The following AGMO variants were observed in gnomAD, a reference collection of about 807,000 sequenced individuals.
AGMO encodes the protein alkylglycerol monooxygenase, also known as glyceryl-ether monooxygenase.
AGMO carries 75 observed loss-of-function variants against 60.2 expected under a neutral mutation model. The ratio of observed to expected loss-of-function variants is 1.25; its 90% CI spans 1.03 to 1.51. The LOEUF (loss-of-function observed/expected upper bound fraction) is 1.51. AGMO is among the 40% of genes most tolerant of loss of function. The pLI, the probability that AGMO is intolerant of heterozygous loss-of-function variation, is 0.00. For synonymous variants in AGMO, 261 were observed against 177.1 expected, an observed-to-expected ratio of 1.47 and a Z score of -3.76; for missense variants, 763 against 525.5, an observed-to-expected ratio of 1.45 and a Z score of -4.42.
chr7:15,229,516 AAAAG>A (rs1285149199), intron 12 of AGMO, among the ~76,000 whole-genome samples: 8 of 149,994 alleles, frequency 5.3e-5, no homozygotes, highest in Admixed American at 5.3e-4. Context: ...CCAAAAAAAA[AAAAG>A]AAAGAAGAAA....
chr7:15,322,619 TAAATATATATAA>T lies in AGMO; in HGVS notation c.1263+42883_1263+42894del, dbSNP rs1563086581. ...ATATATATAAATATATATAAATATATAAATATATATAAATATATATAAATATATAAATATATA... is the reference window on the plus strand; with the variant it reads ...ATATATATAAATATATATAAATATATATATATATAAATATATAAATATATA... On this transcript the variant is annotated intron_variant, in intron 12 of 12. Coordinates refer to ENST00000342526, the MANE Select transcript of AGMO (RefSeq NM_001004320.2). 4.0e-3 allele frequency among the ~76,000 whole-genome samples: 227 copies of T among 57,462 alleles called. 35 individuals carry two copies. The highest frequency in any genetic ancestry group is 0.013 in the African/African-American group (119 of 9,220). The allele number at this position is 57,462 out of a possible 152,430, so 37.7% of individuals were successfully genotyped here.
At chr7:15,163,252 A>G in the AGMO span, among the ~76,000 whole-genome samples, 1 of 152,148 alleles carries the variant, frequency 6.6e-6, no homozygotes, top group Non-Finnish European at 1.5e-5. Flanking sequence ...TAGATTTAAG[A>G]TCATTTTGTC....
At chr7:15,424,344 A>C (rs1781002420) in intron 4 of AGMO, among the ~76,000 whole-genome samples, 1 of 152,154 alleles carries the variant, frequency 6.6e-6, no homozygotes, top group Non-Finnish European at 1.5e-5. Context: ...TGGGTGATGC[A>C]CTATCATAAT....
intron 12 of AGMO, among the ~76,000 whole-genome samples, chr7:15,204,434 G>T (rs1008182647): frequency 2.6e-5 from 4 of 152,244 alleles, no homozygotes; most frequent in Admixed American, 2.0e-4. Flanking sequence ...TTAGGCTAGT[G>T]AAAGAATAGA....
intron 12 of AGMO, among the ~76,000 whole-genome samples, chr7:15,355,258 T>C (rs113820795): frequency 0.085 from 12,927 of 151,958 alleles, 666 homozygotes; most frequent in Non-Finnish European, 0.1. Flanking sequence ...ATTCCAGCAC[T>C]ATGGGAGGCC....
intron 12 of AGMO, among the ~76,000 whole-genome samples, chr7:15,319,797 TTA>T (rs1781051681): frequency 6.6e-6 from 1 of 152,160 alleles, no homozygotes; most frequent in Non-Finnish European, 1.5e-5. Context: ...ATAATTATTA[TTA>T]TATGTCTTTA....
At chr7:15,212,250 A>G (rs1781613769) in intron 12 of AGMO, among the ~76,000 whole-genome samples, 2 of 60,410 alleles carry the variant, frequency 3.3e-5, no homozygotes. Flanking sequence ...TGTGGAGTAC[A>G]CACACACACA....
At chr7:15,204,685 C>G (rs1004286080) in intron 12 of AGMO, among the ~76,000 whole-genome samples, 1 of 152,136 alleles carries the variant, frequency 6.6e-6, no homozygotes, top group Non-Finnish European at 1.5e-5. Context: ...TTCCCAGGAA[C>G]CTCAACTCTG....
At chr7:15,370,983 A>T (rs1783186971) in intron 10 of AGMO, among the ~76,000 whole-genome samples, 1 of 152,104 alleles carries the variant, frequency 6.6e-6, no homozygotes. Flanking sequence ...GTCCAGAATG[A>T]TCTTCAACAA....
At chr7:15,527,326 T>C (rs1339821519) in intron 3 of AGMO, among the ~76,000 whole-genome samples, 2 of 152,180 alleles carry the variant, frequency 1.3e-5, no homozygotes, top group Non-Finnish European at 2.9e-5. Context: ...AACAGCCTCA[T>C]TGCTGATTTG....
chr7:15,547,154 T>C (rs972728232), intron 2 of AGMO, among the ~76,000 whole-genome samples: 1 of 140,794 alleles, frequency 7.1e-6, no homozygotes, highest in East Asian at 1.9e-4. Context: ...AGCATTGCTG[T>C]TCTTTAGCAC....
downstream of AGMO, among the ~76,000 whole-genome samples, chr7:15,198,528 G>A (rs1007385772): frequency 3.3e-5 from 5 of 152,132 alleles, no homozygotes; most frequent in African/African-American, 2.4e-5. Context: ...TATCAAGACA[G>A]GGAAATTGTA....
chr7:15,376,469 G>A (rs1160665722), intron 10 of AGMO, among the ~76,000 whole-genome samples: 1 of 152,004 alleles, frequency 6.6e-6, no homozygotes, highest in Non-Finnish European at 1.5e-5. Flanking sequence ...GTTTTACAGA[G>A]TATGGCATTC....
chr7:15,292,751 C>CTTTTTTTTTT (rs765222435), intron 12 of AGMO, among the ~76,000 whole-genome samples: 3 of 95,124 alleles, frequency 3.2e-5, no homozygotes, highest in South Asian at 3.9e-4. Flanking sequence ...TTTTTTTTTC[C>CTTTTTTTTTT]TTTTTTTTTT....
chr7:15,344,300 C>A (rs893157203), intron 12 of AGMO, among the ~76,000 whole-genome samples: 1 of 152,146 alleles, frequency 6.6e-6, no homozygotes, highest in Non-Finnish European at 1.5e-5. Flanking sequence ...AAAGCTAAAG[C>A]AACACTTACT....
intron 3 of AGMO, among the ~76,000 whole-genome samples, chr7:15,451,131 A>G (rs1781845402): frequency 6.6e-6 from 1 of 152,144 alleles, no homozygotes. Flanking sequence ...CCAGAATTTT[A>G]GCTGGGTTTC....
chr7:15,339,938 G>T (rs1448916354), intron 12 of AGMO, among the ~76,000 whole-genome samples: 1 of 152,234 alleles, frequency 6.6e-6, no homozygotes, highest in East Asian at 1.9e-4. Flanking sequence ...TTATAATTCA[G>T]CCCATAAGTT....
At chr7:15,383,882 GT>G (rs1783799957) in intron 10 of AGMO, among the ~76,000 whole-genome samples, 1 of 151,396 alleles carries the variant, frequency 6.6e-6, no homozygotes, top group African/African-American at 2.4e-5. Flanking sequence ...TTTTTAATCT[GT>G]TTATGTATTG....
chr7:15,259,862 A>G (rs1484369962), intron 12 of AGMO, among the ~76,000 whole-genome samples: 1 of 142,784 alleles, frequency 7.0e-6, no homozygotes, highest in Non-Finnish European at 1.5e-5. Context: ...AAACACTGAG[A>G]GAATGCACAA....
Sources: allele counts gnomAD v4.1 joint callset (sites outside exome capture counted in the v4.1 genomes callset), GRCh38; gene constraint gnomAD v4.1.1; transcripts MANE v1.5; gene names NCBI Gene and HGNC (gene_info 2026-07-23, HGNC 2026-07-21).